Variants in PUM1 observed in about 807,000 individuals in gnomAD.
PUM1 encodes the protein pumilio RNA binding family member 1.
PUM1 carries 13 observed loss-of-function variants against 131.8 expected under a neutral mutation model. The observed-to-expected ratio is 0.10, with a 90% confidence interval of 0.06 to 0.16. PUM1 has a LOEUF of 0.16. Ranked by LOEUF, PUM1 falls within the 10% of genes least tolerant of loss-of-function variation. The pLI, the probability that PUM1 is intolerant of heterozygous loss-of-function variation, is 1.00. For synonymous variants in PUM1, 509 were observed against 556.5 expected (o/e 0.91, Z 1.20); for missense variants, 961 against 1,512.4 (o/e 0.64, Z 6.05).
chr1:30,946,464 C>A (rs1639674504), intron 17 of PUM1, among the ~76,000 whole-genome samples: 1 of 151,352 alleles, frequency 6.6e-6, no homozygotes, highest in South Asian at 2.1e-4. Flanking sequence ...TGGTGAAACC[C>A]CATCTCTACT....
chr1:30,980,043 A>C lies in PUM1; in HGVS notation c.1354+19T>G, dbSNP rs1641299146. 3.9e-6 allele frequency: 6 copies of C among 1,529,626 alleles called. No homozygotes were observed. In the East Asian group the frequency reaches 1.4e-4, roughly 35 times the overall value. The allele number at this position is 1,529,626 out of a possible 1,614,324, so 94.8% of individuals were successfully genotyped here. On this transcript the variant is annotated intron_variant, in intron 9 of 21. Coordinates refer to ENST00000426105, the MANE Select transcript of PUM1 (RefSeq NM_001020658.2). ...TTTTCAGCAGGTGAGAAAATCCCTCATGCAGCAGAATGTCTCACCTAGTGT... is the reference window on the plus strand; with the variant it reads ...TTTTCAGCAGGTGAGAAAATCCCTCCTGCAGCAGAATGTCTCACCTAGTGT...
intron 17 of PUM1, among the ~76,000 whole-genome samples, chr1:30,946,131 C>G (rs1049563714): frequency 1.3e-5 from 2 of 151,978 alleles, no homozygotes; most frequent in African/African-American, 4.8e-5. Flanking sequence ...TCTTCAAATA[C>G]AAAGAAGCCT....
rs539164169 is a variant in PUM1 at position 30,939,397 on chromosome 1, G to A, written c.3242+1754C>T. 6.2e-4 allele frequency among the ~76,000 whole-genome samples: 95 copies of A among 152,254 alleles called. 1 individual carries two copies. The Middle Eastern group carries it at 0.01, about 16-fold the overall frequency. ...GGGAAGGTTAAAACTGGGCCCCCCC[G>A]AACCCCTTCCGGCTCTCTCCCTTTC... On this transcript the variant is annotated intron_variant, in intron 20 of 21. Transcript: ENST00000426105.
In PUM1 at chr1:30,953,851, T is replaced by C. The variant is rs1453053920; in HGVS notation, c.2454A>G (p.Arg818=). 4 of 1,614,092 alleles carry C rather than the reference T, an allele frequency of 2.5e-6. No homozygotes were observed. In the Admixed American group the frequency reaches 5.0e-5, roughly 20 times the overall value. ...AAGGCATGACATCAGACATTCCATA[T>C]CGCAAACGAGAGGAAGAGAAAAGAG... ...SSTLFSSSRL[R]YGMSDVMPSG... Residue 818 remains arginine (R), a synonymous_variant, in exon 15 of 22, where the codon CGA becomes CGG. Transcript: ENST00000426105.
At chr1:30,963,141 C>T (rs1439704375) in intron 14 of PUM1, among the ~76,000 whole-genome samples, 1 of 152,132 alleles carries the variant, frequency 6.6e-6, no homozygotes. Flanking sequence ...AATACCTATA[C>T]CTTCCAGTGT....
rs1640542017 is a variant in PUM1 at position 30,964,456 on chromosome 1, GA to G, written c.2323+217del. Among the ~76,000 whole-genome samples, 3 of 152,140 alleles carry G rather than the reference GA, an allele frequency of 2.0e-5. No individual in the cohort carries two copies. In the South Asian group the frequency reaches 6.2e-4, roughly 31 times the overall value. On this transcript the variant is annotated intron_variant, in intron 14 of 21. Coordinates refer to ENST00000426105, the MANE Select transcript of PUM1 (RefSeq NM_001020658.2). Reference sequence around the variant, plus strand: ...TAAAATGTTCATACTAAAGCTAACTGAATATACAGGGAATGTACCCAAACTA... The same window carrying G: ...TAAAATGTTCATACTAAAGCTAACTGATATACAGGGAATGTACCCAAACTA...
At chr1:31,042,837 T>A (rs530527412) in intron 2 of PUM1, among the ~76,000 whole-genome samples, 14 of 152,356 alleles carry the variant, frequency 9.2e-5, no homozygotes, top group African/African-American at 3.4e-4. Flanking sequence ...CGACGTCGGC[T>A]CACTGCAGAC....
At chr1:31,043,212 CTT>C (rs35914317) in intron 2 of PUM1, among the ~76,000 whole-genome samples, 1 of 150,728 alleles carries the variant, frequency 6.6e-6, no homozygotes, top group African/African-American at 2.4e-5. Flanking sequence ...AGAACATTTC[CTT>C]TTTTTTTGAG....
chr1:31,052,263 C>A (rs548034079), intron 2 of PUM1, among the ~76,000 whole-genome samples: 6 of 152,044 alleles, frequency 3.9e-5, no homozygotes, highest in Non-Finnish European at 8.8e-5. Flanking sequence ...CCGCCTGCCT[C>A]GGCCTCCCAA....
In PUM1 at chr1:30,952,675, GGGGGGGGC is replaced by G. The variant is rs1335462972; in HGVS notation, c.2592-320_2592-313del. Among the ~76,000 whole-genome samples the G allele has an allele frequency of 5.3e-3, 132 of 24,964 alleles. No individual in the cohort carries two copies. In the East Asian group the frequency reaches 0.067, roughly 13 times the overall value. 16.4% of individuals were successfully genotyped at this position (24,964 alleles called of 152,430 possible). On this transcript the variant is annotated intron_variant, in intron 15 of 21. Coordinates refer to ENST00000426105, the MANE Select transcript of PUM1 (RefSeq NM_001020658.2). ...GCAAGGTGGGAGGGAAGATGAAAGC[GGGGGGGGC>G]GGGGGGGGGGCGGGAGGGGCAGGGG...
At chr1:31,041,257 A>G (rs1360805961) in intron 2 of PUM1, among the ~76,000 whole-genome samples, 1 of 152,148 alleles carries the variant, frequency 6.6e-6, no homozygotes, top group Non-Finnish European at 1.5e-5. Flanking sequence ...ATATTTTTTA[A>G]CAGATATGGG....
At chr1:31,030,078 G>A (rs1225288529) in intron 2 of PUM1, among the ~76,000 whole-genome samples, 4 of 151,866 alleles carry the variant, frequency 2.6e-5, no homozygotes, top group African/African-American at 4.8e-5. Flanking sequence ...TTAGCCGGGC[G>A]TGGTGGCAGG....
intron 5 of PUM1, among the ~76,000 whole-genome samples, chr1:31,000,425 G>A (rs1169364302): frequency 6.6e-6 from 1 of 152,136 alleles, no homozygotes; most frequent in Non-Finnish European, 1.5e-5. Context: ...AGAGATCCCA[G>A]ACCTACAGAG....
At chr1:30,945,977 G>A (rs988645117) in intron 17 of PUM1, among the ~76,000 whole-genome samples, 1 of 151,838 alleles carries the variant, frequency 6.6e-6, no homozygotes, top group African/African-American at 2.4e-5. Context: ...CTAGAGACGG[G>A]GTCTTGCCAT....
chr1:30,936,790 G>A lies in PUM1; in HGVS notation c.3288C>T (p.Arg1096=), dbSNP rs374355042. The A allele has an allele frequency of 1.7e-5, 28 of 1,613,784 alleles. No homozygotes were observed. The East Asian group carries it at 2.7e-4, about 15-fold the overall frequency. ...TGCACACCTCATCGATGAGCACAGC[G>A]CGCTCCGTACGTGAGGCGTGAGTAA... ...KCVTHASRTE[R]AVLIDEVCTM... Residue 1096 remains arginine (R), a synonymous_variant, in exon 21 of 22, where the codon CGC becomes CGT. Transcript: ENST00000426105.
chr1:31,011,418 C>T (rs1169076555), intron 3 of PUM1, among the ~76,000 whole-genome samples: 5 of 151,982 alleles, frequency 3.3e-5, no homozygotes, highest in South Asian at 2.1e-4. Flanking sequence ...TTTTTTAACT[C>T]GGCAAAATCA....
intron 20 of PUM1, among the ~76,000 whole-genome samples, chr1:30,940,570 T>C (rs1032845815): frequency 2.0e-5 from 3 of 152,140 alleles, no homozygotes; most frequent in Non-Finnish European, 2.9e-5. Context: ...ATTCCAAAAA[T>C]AAAAAATAGT....
intron 10 of PUM1, among the ~76,000 whole-genome samples, chr1:30,972,072 T>C (rs1040246352): frequency 2.6e-5 from 4 of 150,988 alleles, no homozygotes; most frequent in South Asian, 2.1e-4. Flanking sequence ...CTGGACAACA[T>C]GGTAAAACCC....
rs746559654 is a variant in PUM1 at position 30,992,406 on chromosome 1, T to C, written c.1142A>G (p.Tyr381Cys). ...SAAATVGLFD[Y>C]NSQQQLFQRP... The stretch of plus-strand genomic sequence containing the variant: ...ACACAGTACCTGTTGTTGAGAATTG[T>C]AGTCAAAAAGTCCCACAGTTGCTGC... Residue 381 changes from tyrosine (Y) to cysteine (C), a missense_variant, in exon 7 of 22, where the codon TAC becomes TGC. This residue lies in a region of PUM1 where 654 missense variants were observed against 923.9 expected (regional missense o/e 0.71). Coordinates refer to ENST00000426105, the MANE Select transcript of PUM1 (RefSeq NM_001020658.2). 1 of 1,613,972 alleles carries C rather than the reference T, an allele frequency of 6.2e-7. No individual in the cohort carries two copies.
Sources: gnomAD v4.1 joint callset for allele counts (sites outside exome capture counted in the v4.1 genomes callset) on GRCh38, gnomAD v4.1.1 for gene constraint, gnomAD v4.1.1 regional missense constraint, MANE v1.5 for transcripts, NCBI Gene and HGNC (gene_info 2026-07-23, HGNC 2026-07-21) for gene names.